LRRTM3: variants seen among roughly 807,000 people sequenced by gnomAD.
The protein encoded by LRRTM3 is leucine rich repeat transmembrane neuronal 3.
In LRRTM3, 24 loss-of-function variants were observed where a neutral mutation model predicts 44.7. That is an observed-to-expected ratio of 0.54 (90% CI 0.39 to 0.76). LRRTM3 has a LOEUF of 0.76. Ranked by LOEUF, LRRTM3 falls within the 30% of genes least tolerant of loss-of-function variation. The pLI is 0.00. For missense variants in LRRTM3, 587 were observed against 702.2 expected, an observed-to-expected ratio of 0.84 and a Z score of 1.85; for synonymous variants, 277 against 278.7, an observed-to-expected ratio of 0.99 and a Z score of 0.06.
At chr10:67,083,688 T>C (rs958736615) in intron 2 of LRRTM3, among the ~76,000 whole-genome samples, 4 of 152,130 alleles carry the variant, frequency 2.6e-5, no homozygotes, top group Non-Finnish European at 2.9e-5. Context: ...ACCCTATCAA[T>C]AATACATATA....
intron 2 of LRRTM3, among the ~76,000 whole-genome samples, chr10:66,975,711 C>T (rs981722133): frequency 4.6e-5 from 7 of 152,128 alleles, no homozygotes; most frequent in Non-Finnish European, 1.0e-4. Flanking sequence ...AAGCTAAGTT[C>T]GTCCTATCTG....
rs774084468 is a variant in LRRTM3 at position 66,928,013 on chromosome 10, C to T, written c.1097C>T (p.Thr366Ile). ...TACAGCATCTGTGGCAAAAGTACTA[C>T]AGAGAGGTTTGATCTGGCCAGGGCT... ...KNYSICGKST[T>I]ERFDLARALP... Residue 366 changes from threonine (T) to isoleucine (I), a missense_variant, in exon 2 of 3, where the codon ACA becomes ATA. This residue lies in a region of LRRTM3 where 315 missense variants were observed against 335.6 expected (regional missense o/e 0.94). Transcript: ENST00000361320. 1.1e-5 allele frequency: 18 copies of T among 1,614,034 alleles called. No individual in the cohort carries two copies. Among genetic ancestry groups the T allele is most frequent in the African/African-American group, 2.7e-5 (2 of 74,922 alleles).
At chr10:66,949,240 T>C (rs1401532594) in intron 2 of LRRTM3, among the ~76,000 whole-genome samples, 1 of 152,136 alleles carries the variant, frequency 6.6e-6, no homozygotes, top group Non-Finnish European at 1.5e-5. Flanking sequence ...GGAAATATTA[T>C]GATAAACATC....
chr10:66,982,105 T>C (rs1374278846), intron 2 of LRRTM3, among the ~76,000 whole-genome samples: 1 of 152,158 alleles, frequency 6.6e-6, no homozygotes, highest in African/African-American at 2.4e-5. Flanking sequence ...GGATAAGCCA[T>C]CCAATATGCT....
chr10:67,092,458 A>C (rs1857706608), intron 2 of LRRTM3, among the ~76,000 whole-genome samples: 1 of 151,958 alleles, frequency 6.6e-6, no homozygotes, highest in African/African-American at 2.4e-5. Flanking sequence ...TTGTACTTTA[A>C]AAATAACCTT....
At chr10:66,984,167 T>C (rs1850600417) in intron 2 of LRRTM3, among the ~76,000 whole-genome samples, 1 of 152,158 alleles carries the variant, frequency 6.6e-6, no homozygotes, top group Non-Finnish European at 1.5e-5. Context: ...AAAACACTTT[T>C]TAAGTCAAGA....
intron 2 of LRRTM3, among the ~76,000 whole-genome samples, chr10:67,023,677 A>C (rs562369068): frequency 6.6e-6 from 1 of 152,340 alleles, no homozygotes; most frequent in South Asian, 2.1e-4. Flanking sequence ...AAATTGAGTC[A>C]ATATGTATCG....
chr10:66,926,709 T>C (rs2132620712), intron 1 of LRRTM3, 122 bp downstream of exon 1: 3 of 1,202,444 alleles, frequency 2.5e-6, no homozygotes, highest in Non-Finnish European at 3.6e-6. Flanking sequence ...AGACTATGAA[T>C]TTATTTGCTT....
At chr10:66,935,123 G>T (rs1409992661) in intron 2 of LRRTM3, among the ~76,000 whole-genome samples, 1 of 152,046 alleles carries the variant, frequency 6.6e-6, no homozygotes, top group East Asian at 1.9e-4. Flanking sequence ...TACCAACAGA[G>T]CCCTCATATT....
chr10:66,996,842 T>C (rs1241529230), intron 2 of LRRTM3, among the ~76,000 whole-genome samples: 2 of 152,044 alleles, frequency 1.3e-5, no homozygotes, highest in Non-Finnish European at 2.9e-5. Context: ...ACAGTAATTC[T>C]AAACAATTCC....
At chr10:67,014,348 A>AT (rs1852522673) in intron 2 of LRRTM3, among the ~76,000 whole-genome samples, 1 of 152,162 alleles carries the variant, frequency 6.6e-6, no homozygotes, top group Non-Finnish European at 1.5e-5. Flanking sequence ...CTTGGCTTCT[A>AT]TTTACAGCTT....
intron 2 of LRRTM3, among the ~76,000 whole-genome samples, chr10:67,097,361 C>A (rs1040540048): frequency 3.3e-5 from 5 of 151,796 alleles, no homozygotes; most frequent in Non-Finnish European, 5.9e-5. Context: ...TTATCCAAAT[C>A]TTCTAGTAAA....
intron 2 of LRRTM3, among the ~76,000 whole-genome samples, chr10:67,020,884 A>G (rs947758489): frequency 4.6e-5 from 7 of 152,134 alleles, no homozygotes; most frequent in African/African-American, 1.4e-4. Context: ...AGAGGAAAAT[A>G]AGGGGCCTCA....
In LRRTM3 at chr10:66,928,376, A is replaced by T. The variant is rs1465719375; in HGVS notation, c.1460A>T (p.Asn487Ile). 13 of 1,614,014 alleles carry T rather than the reference A, an allele frequency of 8.1e-6. No individual in the cohort carries two copies. The highest frequency in any genetic ancestry group is 9.3e-6 in the Non-Finnish European group (11 of 1,180,028). Residue 487 changes from asparagine (N) to isoleucine (I), a missense_variant, in exon 2 of 3, where the codon AAC becomes ATC. By Grantham distance (149) the Asn-to-Ile change is moderately radical. Transcript: ENST00000361320. ...QEFYVDYKPT[N>I]TETSEMLLNG... Reference sequence around the variant, plus strand: ...TTTTATGTAGATTATAAACCCACCAACACGGAGACCAGCGAGATGCTGCTG... The same window carrying T: ...TTTTATGTAGATTATAAACCCACCATCACGGAGACCAGCGAGATGCTGCTG...
intron 2 of LRRTM3, among the ~76,000 whole-genome samples, chr10:66,982,571 T>C (rs993306013): frequency 1.3e-5 from 2 of 152,078 alleles, no homozygotes; most frequent in African/African-American, 4.8e-5. Context: ...GTATAAAATA[T>C]TATCTTAAGA....
At chr10:66,976,556 T>A (rs1371462603) in intron 2 of LRRTM3, among the ~76,000 whole-genome samples, 1 of 152,168 alleles carries the variant, frequency 6.6e-6, no homozygotes, top group Non-Finnish European at 1.5e-5. Context: ...TGACATCATC[T>A]CTTCCTAAAA....
At chr10:67,002,055 G>A (rs1851719091) in intron 2 of LRRTM3, among the ~76,000 whole-genome samples, 1 of 152,114 alleles carries the variant, frequency 6.6e-6, no homozygotes, top group Non-Finnish European at 1.5e-5. Context: ...CCATACTCAA[G>A]CTTTATTAAC....
intron 2 of LRRTM3, among the ~76,000 whole-genome samples, chr10:66,954,195 T>A (rs569334537): frequency 6.6e-6 from 1 of 152,314 alleles, no homozygotes; most frequent in South Asian, 2.1e-4. Flanking sequence ...TATATAGATT[T>A]TTCTTAATAC....
chr10:67,046,530 C>G (rs1168169489), intron 2 of LRRTM3, among the ~76,000 whole-genome samples: 1 of 152,200 alleles, frequency 6.6e-6, no homozygotes, highest in Non-Finnish European at 1.5e-5. Flanking sequence ...AGGAATCTAT[C>G]CGTCTTTCAT....
Sources: gnomAD v4.1 joint callset for allele counts (sites outside exome capture counted in the v4.1 genomes callset) on GRCh38, gnomAD v4.1.1 for gene constraint, gnomAD v4.1.1 regional missense constraint, MANE v1.5 for transcripts, NCBI Gene and HGNC (gene_info 2026-07-23, HGNC 2026-07-21) for gene names.